DNAH14: variants seen among roughly 807,000 people sequenced by gnomAD.
DNAH14 encodes dynein axonemal heavy chain 14.
Under a neutral mutation model 520.9 loss-of-function variants are expected in DNAH14, and 478 were observed. The ratio of observed to expected loss-of-function variants is 0.92; its 90% CI spans 0.85 to 0.99. The LOEUF (loss-of-function observed/expected upper bound fraction) is 0.99, where lower values mean the gene tolerates loss of function less well. DNAH14 is among the 50% of genes least tolerant of loss of function. The pLI, the probability that DNAH14 is intolerant of heterozygous loss-of-function variation, is 0.00. For synonymous variants in DNAH14, 1,581 were observed against 1,757.2 expected, an observed-to-expected ratio of 0.90 and a Z score of 2.51; for missense variants, 4,831 against 5,234.5, an observed-to-expected ratio of 0.92 and a Z score of 2.38.
At chr1:224,973,308 C>A (rs1377249575) in intron 7 of DNAH14, among the ~76,000 whole-genome samples, 1 of 133,662 alleles carries the variant, frequency 7.5e-6, no homozygotes, top group Non-Finnish European at 1.5e-5. Context: ...CCCCTATCCC[C>A]ACTATTTTCC....
rs190201171 is a variant in DNAH14 at position 225,074,092 on chromosome 1, C to T, written c.2425-5115C>T. 3.4e-3 allele frequency among the ~76,000 whole-genome samples: 500 copies of T among 145,356 alleles called. 11 individuals are homozygous for T. In the East Asian group the frequency reaches 0.055, roughly 16 times the overall value. On this transcript the variant is annotated intron_variant, in intron 17 of 85. Coordinates refer to ENST00000682510, the MANE Select transcript of DNAH14 (RefSeq NM_001367479.1). Reference sequence around the variant, plus strand: ...TCGGCTCACTGCAAGCTCCGCCTCCCGGGTTCACGCCATTCTCCTGCCTCA... The same window carrying T: ...TCGGCTCACTGCAAGCTCCGCCTCCTGGGTTCACGCCATTCTCCTGCCTCA...
chr1:225,107,076 T>C (rs1282521146), intron 23 of DNAH14, among the ~76,000 whole-genome samples: 1 of 152,236 alleles, frequency 6.6e-6, no homozygotes, highest in Non-Finnish European at 1.5e-5. Flanking sequence ...CCTTTCTGTT[T>C]GTTAGTTTTC....
chr1:225,045,329 CAG>C (rs1558775763), intron 15 of DNAH14, among the ~76,000 whole-genome samples: 1 of 151,508 alleles, frequency 6.6e-6, no homozygotes, highest in East Asian at 1.9e-4. Context: ...AAGCGTAGTA[CAG>C]AGTTTCTGTA....
intron 11 of DNAH14, among the ~76,000 whole-genome samples, chr1:225,031,205 A>G (rs958028292): frequency 6.6e-6 from 1 of 152,072 alleles, no homozygotes; most frequent in Non-Finnish European, 1.5e-5. Flanking sequence ...TTGATTTTGC[A>G]TATTGACCTT....
At chr1:225,176,990 A>G (rs1049300627) in intron 36 of DNAH14, among the ~76,000 whole-genome samples, 4 of 152,176 alleles carry the variant, frequency 2.6e-5, no homozygotes, top group African/African-American at 4.8e-5. Context: ...AGGTTGGAAC[A>G]GTTTGGAGGG....
chr1:225,151,259 CT>C (rs536415456), intron 31 of DNAH14, among the ~76,000 whole-genome samples: 215 of 152,038 alleles, frequency 1.4e-3, no homozygotes, highest in African/African-American at 4.8e-3. Flanking sequence ...TAACTTGTGG[CT>C]TTCCTCTCAT....
At chr1:224,934,905 G>A (rs2058930432) in intron 1 of DNAH14, among the ~76,000 whole-genome samples, 1 of 151,702 alleles carries the variant, frequency 6.6e-6, no homozygotes, top group Admixed American at 6.6e-5. Flanking sequence ...TGCCAACCGA[G>A]AATATATTAT....
chr1:225,105,169 G>A (rs1413358649), intron 23 of DNAH14, among the ~76,000 whole-genome samples: 1 of 152,186 alleles, frequency 6.6e-6, no homozygotes, highest in Admixed American at 6.5e-5. Flanking sequence ...GGAGCAGGTT[G>A]TTCCTTTTCC....
chr1:225,220,931 A>G (rs2089991971), intron 41 of DNAH14, among the ~76,000 whole-genome samples: 1 of 152,244 alleles, frequency 6.6e-6, no homozygotes. Flanking sequence ...TAACAAAAAC[A>G]GCATGGTACT....
chr1:224,953,359 C>T (rs907084837), intron 2 of DNAH14, among the ~76,000 whole-genome samples: 24 of 151,996 alleles, frequency 1.6e-4, no homozygotes, highest in African/African-American at 5.1e-4. Context: ...CACCTGACCT[C>T]GTGATCCACC....
At chr1:225,272,340 T>A (rs981910182) in intron 51 of DNAH14, among the ~76,000 whole-genome samples, 2 of 152,222 alleles carry the variant, frequency 1.3e-5, no homozygotes, top group African/African-American at 2.4e-5. Flanking sequence ...AACATAGATT[T>A]GGTGTTTGCT....
chr1:225,389,315 T>C (rs1236399204), intron 82 of DNAH14, among the ~76,000 whole-genome samples: 4 of 152,202 alleles, frequency 2.6e-5, no homozygotes, highest in African/African-American at 4.8e-5. Flanking sequence ...TATGGAAGTA[T>C]TGAGATTCAA....
At chr1:224,972,582 C>T (rs1480020813) in intron 7 of DNAH14, among the ~76,000 whole-genome samples, 2 of 152,022 alleles carry the variant, frequency 1.3e-5, no homozygotes, top group Non-Finnish European at 2.9e-5. Flanking sequence ...TCTCCTGCCT[C>T]AGCCTCCCGA....
rs1316711831 is a variant in DNAH14, at chr1:225,156,962, G to A, written c.5274-2352G>A. 8.2e-5 allele frequency among the ~76,000 whole-genome samples: 9 copies of A among 109,338 alleles called. 1 individual carries two copies. The highest frequency in any genetic ancestry group is 9.5e-4 in the East Asian group (2 of 2,110). The allele number at this position is 109,338 out of a possible 152,430, so 71.7% of individuals were successfully genotyped here. On this transcript the variant is annotated intron_variant, in intron 34 of 85. Transcript: ENST00000682510. The stretch of plus-strand genomic sequence containing the variant: ...GATCTCTTGACCTCGTGATCCGCCC[G>A]CCTCGGCCTCCCGAAGTGCTGGGAT...
intron 65 of DNAH14, 108 bp downstream of exon 65, chr1:225,331,685 C>T: frequency 7.1e-7 from 1 of 1,399,058 alleles, no homozygotes; most frequent in Non-Finnish European, 9.7e-7. Context: ...CTAAAACTAT[C>T]TAACTATCCA....
chr1:225,276,982 GAA>G (rs1491186184), intron 53 of DNAH14, among the ~76,000 whole-genome samples: 23 of 46,078 alleles, frequency 5.0e-4, no homozygotes, highest in African/African-American at 2.1e-3. Context: ...AGGAAGGAAG[GAA>G]GGGAGGGAGG....
At chr1:225,313,636 TTG>T (rs1478736223) in intron 60 of DNAH14, among the ~76,000 whole-genome samples, 6 of 152,232 alleles carry the variant, frequency 3.9e-5, no homozygotes, top group African/African-American at 1.4e-4. Flanking sequence ...TTCCGGTACG[TTG>T]TGTCTTTGTT....
chr1:225,172,968 A>G (rs1025651442), intron 36 of DNAH14, among the ~76,000 whole-genome samples: 1 of 152,228 alleles, frequency 6.6e-6, no homozygotes, highest in Non-Finnish European at 1.5e-5. Flanking sequence ...ATGTCCAACT[A>G]TTGGATCTTT....
At chr1:225,043,211 C>A in intron 13 of DNAH14, 97 bp downstream of exon 13, 1 of 1,111,664 alleles carries the variant, frequency 9.0e-7, no homozygotes, top group Non-Finnish European at 1.2e-6. Context: ...GGGAGGATCA[C>A]TTGATGCCAG....
Sources: gnomAD v4.1 joint callset for allele counts (sites outside exome capture counted in the v4.1 genomes callset) on GRCh38, gnomAD v4.1.1 for gene constraint, MANE v1.5 for transcripts, NCBI Gene and HGNC (gene_info 2026-07-23, HGNC 2026-07-21) for gene names.